Variants in WDTC1 observed in about 807,000 individuals in gnomAD.
WDTC1 encodes the protein WD and tetratricopeptide repeats protein 1.
WDTC1 carries 12 observed loss-of-function variants against 76.0 expected under a neutral mutation model. That is an observed-to-expected ratio of 0.16 (90% CI 0.10 to 0.26). WDTC1 has a LOEUF of 0.26. Ranked by LOEUF, WDTC1 falls within the 10% of genes least tolerant of loss-of-function variation. WDTC1 has a pLI of 1.00. For synonymous variants in WDTC1, 326 were observed against 350.8 expected (o/e 0.93, Z 0.79); for missense variants, 511 against 908.8 (o/e 0.56, Z 5.63).
rs1291513614 is a variant in WDTC1, at chr1:27,306,054, C to T, written c.1837-132C>T. On this transcript the variant is annotated intron_variant, in intron 15 of 15. Transcript: ENST00000319394. This position sits in a 1 kb window ranked among gnomAD's most constrained non-coding sequence, Gnocchi z 5.0. ...GTGTGTTCCCCTCCACCATATACACCTCCTGGCATGTATGTGTACCTCCCC... is the reference window on the plus strand; with the variant it reads ...GTGTGTTCCCCTCCACCATATACACTTCCTGGCATGTATGTGTACCTCCCC... 4.9e-6 allele frequency: 5 copies of T among 1,011,078 alleles called. No homozygotes were observed. The highest frequency in any genetic ancestry group is 3.2e-5 in the African/African-American group (2 of 63,066). The allele number at this position is 1,011,078 out of a possible 1,614,324, so 62.6% of individuals were successfully genotyped here. A position where few individuals can be genotyped will look rare whatever the true frequency, so the allele number is the denominator to read the frequency against.
At chr1:27,287,462 C>T (rs980871095) in intron 5 of WDTC1, among the ~76,000 whole-genome samples, 1 of 152,056 alleles carries the variant, frequency 6.6e-6, no homozygotes, top group Non-Finnish European at 1.5e-5. Flanking sequence ...CTCTGGCTTC[C>T]TGCAGCCTCT....
chr1:27,305,130 C>T lies in WDTC1; in HGVS notation c.1773C>T (p.Ser591=). ...TCAACTGCCTGCAGCCACACCCCAGCTACTGCTTCCTGGCCACCAGTGGCA... is the reference window on the plus strand; with the variant it reads ...TCAACTGCCTGCAGCCACACCCCAGTTACTGCTTCCTGGCCACCAGTGGCA... ...SIVNCLQPHP[S]YCFLATSGID... The change falls in exon 15 of 16, where the codon AGC becomes AGT. Residue 591 remains serine (S), a synonymous_variant. Coordinates refer to ENST00000319394, the MANE Select transcript of WDTC1 (RefSeq NM_001276252.2). This position sits in a 1 kb window ranked among gnomAD's most constrained non-coding sequence, Gnocchi z 4.6. The T allele has an allele frequency of 6.2e-7, 1 of 1,614,150 alleles. No homozygotes were observed. Among genetic ancestry groups the T allele is most frequent in the South Asian group, 1.1e-5 (1 of 91,078 alleles).
chr1:27,299,686 G>A (rs1232576179), intron 12 of WDTC1, among the ~76,000 whole-genome samples: 1 of 152,128 alleles, frequency 6.6e-6, no homozygotes, highest in Non-Finnish European at 1.5e-5. Flanking sequence ...AATGCAGAGC[G>A]GTGACGTTGG....
At chr1:27,290,227 A>G (rs971539344) in intron 6 of WDTC1, among the ~76,000 whole-genome samples, 5 of 151,874 alleles carry the variant, frequency 3.3e-5, no homozygotes, top group Non-Finnish European at 5.9e-5. Flanking sequence ...GACTACAGAC[A>G]CGCTCCACCA....
chr1:27,296,231 G>C, intron 9 of WDTC1, 95 bp from the exon 10 acceptor site: 1 of 1,403,178 alleles, frequency 7.1e-7, no homozygotes, highest in South Asian at 1.2e-5. Context: ...TGTGTTCCAA[G>C]ACTCTAGTTC....
chr1:27,239,029 G>A (rs1267856742), intron 1 of WDTC1, among the ~76,000 whole-genome samples: 5 of 142,398 alleles, frequency 3.5e-5, no homozygotes, highest in African/African-American at 1.3e-4. Flanking sequence ...TATGAGACAG[G>A]GTAGATGGGA....
At chr1:27,242,798 A>G (rs1226063346) in intron 1 of WDTC1, among the ~76,000 whole-genome samples, 2 of 152,168 alleles carry the variant, frequency 1.3e-5, no homozygotes, top group East Asian at 1.9e-4. Context: ...TCAAACAGCA[A>G]TACGGAGCCC....
In WDTC1 at chr1:27,303,845, G is replaced by C; in HGVS notation, c.1643+50G>C. Reference sequence around the variant, plus strand: ...GCAGCCCAGTTGGCAGCGGGAGGTTGAGTGGGGAGTGTTGGGGCATAATGG... The same window carrying C: ...GCAGCCCAGTTGGCAGCGGGAGGTTCAGTGGGGAGTGTTGGGGCATAATGG... On this transcript the variant is annotated intron_variant, in intron 14 of 15. Transcript: ENST00000319394. This position sits in a 1 kb window ranked among gnomAD's most constrained non-coding sequence, Gnocchi z 4.8. 1.2e-6 allele frequency: 2 copies of C among 1,603,924 alleles called. No homozygotes were observed. The highest frequency in any genetic ancestry group is 1.7e-6 in the Non-Finnish European group (2 of 1,174,946).
intron 3 of WDTC1, among the ~76,000 whole-genome samples, chr1:27,269,621 G>GTTTTTTTTTTTTTTTT (rs538857228): frequency 1.6e-5 from 2 of 126,868 alleles, no homozygotes; most frequent in Non-Finnish European, 1.6e-5. Flanking sequence ...TTTTTTTTCG[G>GTTTTTTTTTTTTTTTT]TTTTTTTTTT....
At chr1:27,269,621 G>GTCTTTT (rs2012798039) in intron 3 of WDTC1, among the ~76,000 whole-genome samples, 1 of 126,868 alleles carries the variant, frequency 7.9e-6, no homozygotes, top group Non-Finnish European at 1.6e-5. Flanking sequence ...TTTTTTTTCG[G>GTCTTTT]TTTTTTTTTT....
At chr1:27,277,608 T>G (rs1011315547) in intron 3 of WDTC1, among the ~76,000 whole-genome samples, 3 of 152,178 alleles carry the variant, frequency 2.0e-5, no homozygotes, top group African/African-American at 7.2e-5. Context: ...GTCTTGATAC[T>G]CTTATCAGAA....
At chr1:27,237,665 C>T (rs373875714) in intron 1 of WDTC1, among the ~76,000 whole-genome samples, 1 of 151,842 alleles carries the variant, frequency 6.6e-6, no homozygotes, top group Non-Finnish European at 1.5e-5. Context: ...CTGGCTAACA[C>T]GGTGAAACCC....
At chr1:27,304,802 T>C (rs771406783) in intron 14 of WDTC1, 199 bp from the exon 15 acceptor site, 10 of 529,530 alleles carry the variant, frequency 1.9e-5, no homozygotes, top group Non-Finnish European at 3.3e-5. Flanking sequence ...ATCCAGGTAG[T>C]CGCTGGCCCT....
Position 27,301,303 on chromosome 1 carries a change from T to C in WDTC1, c.1310T>C (p.Phe437Ser), listed in dbSNP as rs754709485. ...AACCCATGCCACCTGAAGGCACACT[T>C]TCGCCTGGCCCGCTGCCTCTTTGAG... ...SLNPCHLKAH[F>S]RLARCLFELK... Residue 437 changes from phenylalanine to serine, a missense_variant, in exon 13 of 16, where the codon TTT becomes TCT. Physicochemically the swap from Phe to Ser is radical, Grantham distance 155 (BLOSUM62 -2). Transcript: ENST00000319394. The surrounding 1 kb of genome is among the most constrained non-coding windows in gnomAD (Gnocchi z 5.8). The C allele has an allele frequency of 6.2e-7, 1 of 1,614,186 alleles. No homozygotes were observed. Among genetic ancestry groups the C allele is most frequent in the Admixed American group, 1.7e-5 (1 of 60,032 alleles).
chr1:27,276,265 T>C (rs2013025428), intron 3 of WDTC1, among the ~76,000 whole-genome samples: 1 of 152,254 alleles, frequency 6.6e-6, no homozygotes. Flanking sequence ...CTGGGTCATA[T>C]GGTAACTCAG....
intron 1 of WDTC1, among the ~76,000 whole-genome samples, chr1:27,239,556 G>C (rs1282351682): frequency 6.7e-6 from 1 of 148,268 alleles, no homozygotes; most frequent in Non-Finnish European, 1.5e-5. Context: ...TTGTGCAGTG[G>C]CTCATGCCTG....
At chr1:27,266,975 A>G (rs975371799) in intron 3 of WDTC1, among the ~76,000 whole-genome samples, 4 of 152,228 alleles carry the variant, frequency 2.6e-5, no homozygotes, top group Non-Finnish European at 5.9e-5. Flanking sequence ...TAGATGCTCA[A>G]TAAAAACCTG....
chr1:27,255,455 T>C (rs2012243938), intron 1 of WDTC1: 1 of 152,158 alleles, frequency 6.6e-6, no homozygotes, highest in African/African-American at 2.4e-5. Flanking sequence ...CCCTACAAGC[T>C]TTTTTTGTTT....
chr1:27,277,811 G>T (rs1485857166), intron 3 of WDTC1, among the ~76,000 whole-genome samples: 1 of 151,916 alleles, frequency 6.6e-6, no homozygotes, highest in African/African-American at 2.4e-5. Flanking sequence ...TGGGTCTCTG[G>T]TATTTCCATA....
Sources: gnomAD v4.1 joint callset for allele counts (sites outside exome capture counted in the v4.1 genomes callset) on GRCh38, gnomAD v4.1.1 for gene constraint, Gnocchi (gnomAD v3.1) non-coding constraint, MANE v1.5 for transcripts, NCBI Gene and HGNC (gene_info 2026-07-23, HGNC 2026-07-21) for gene names.